The following TRMT2A variants were observed in gnomAD, a reference collection of about 807,000 sequenced individuals.
The protein encoded by TRMT2A is tRNA methyltransferase 2A.
In TRMT2A, 60 loss-of-function variants were observed where a neutral mutation model predicts 59.3. The ratio of observed to expected loss-of-function variants is 1.01; its 90% CI spans 0.82 to 1.26. The LOEUF (loss-of-function observed/expected upper bound fraction) is 1.26, where lower values mean the gene tolerates loss of function less well. Ranked by LOEUF, TRMT2A falls within the 50% of genes most tolerant of loss-of-function variation. TRMT2A has a pLI of 0.00. For missense variants in TRMT2A, 863 were observed against 845.2 expected (o/e 1.02, Z -0.26); for synonymous variants, 403 against 353.7 (o/e 1.14, Z -1.56).
chr22:20,113,408 C>G, intron 9 of TRMT2A, 24 bp downstream of exon 9: 1 of 1,556,226 alleles, frequency 6.4e-7, no homozygotes, highest in African/African-American at 1.4e-5. Context: ...CATCCCCACC[C>G]CCACCCACGG....
In TRMT2A at chr22:20,112,520, C is replaced by G. The variant is rs1276581633; in HGVS notation, c.*43G>C. 2 of 1,588,952 alleles carry G rather than the reference C, an allele frequency of 1.3e-6. No individual in the cohort carries two copies. Among genetic ancestry groups the G allele is most frequent in the African/African-American group, 1.3e-5 (1 of 74,152 alleles). Reference sequence around the variant, plus strand: ...GCCATGCCTTCCCCGCCCCTGGGGCCCTGGGAGCCCTTCAGCTCCTGTCCC... The same window carrying G: ...GCCATGCCTTCCCCGCCCCTGGGGCGCTGGGAGCCCTTCAGCTCCTGTCCC... On this transcript the variant is annotated 3_prime_UTR_variant, in exon 12 of 12. Transcript: ENST00000252136.
rs2050024530 is a variant in TRMT2A, at chr22:20,116,489, C to T, written c.148G>A (p.Ala50Thr). The change falls in exon 2 of 12, where the codon GCT becomes ACT. Residue 50 changes from alanine (A) to threonine (T), a missense_variant. By Grantham distance (58) the Ala-to-Thr change is moderately conservative. Transcript: ENST00000252136. ...EEVEKEGAGA[A>T]TGPGPQPGLY... ...CCGGGCTGAGGCCCCGGCCCTGTAG[C>T]CGCCCCAGCGCCCTCTTTCTCCACC... 1 of 1,612,722 alleles carries T rather than the reference C, an allele frequency of 6.2e-7. No individual in the cohort carries two copies. Among genetic ancestry groups the T allele is most frequent in the South Asian group, 1.1e-5 (1 of 91,082 alleles).
chr22:20,115,804 T>C (rs761425088), intron 2 of TRMT2A, 24 bp from the exon 3 acceptor site: 15 of 1,592,404 alleles, frequency 9.4e-6, no homozygotes, highest in Non-Finnish European at 1.3e-5. Context: ...AGATCGGTGG[T>C]TGGACTCCAC....
chr22:20,112,985 G>T lies in TRMT2A; in HGVS notation c.1572C>A (p.Ile524=). ...GCCGCCTGAGGTTCTTAGCTCTCCG[G>T]ATGGCCAGGATCACCTTGGAATCTG... is the stretch of plus-strand genomic sequence containing the variant. ...AGLHSKVILA[I]RRAKNLRRLL... is the part of the protein sequence containing the mutation. The change falls in exon 11 of 12, where the codon ATC becomes ATA. Residue 524 remains isoleucine (I), a synonymous_variant. Coordinates refer to ENST00000252136, the MANE Select transcript of TRMT2A (RefSeq NM_022727.6). 1 of 1,613,788 alleles carries T rather than the reference G, an allele frequency of 6.2e-7. No individual in the cohort carries two copies. Among genetic ancestry groups the T allele is most frequent in the Non-Finnish European group, 8.5e-7 (1 of 1,180,014 alleles).
At position 20,112,611 on chromosome 22, in the gene TRMT2A, T is replaced by C; in HGVS notation, c.1830A>G (p.Gly610=). ...TTTCTTGTAGGGTGTTATCTGGGGG[T>C]CCTGGTGTGGGTTGAGCTGGAGGGC... ...PHSPPAQPTP[G]PPDNTLQETG... The change falls in exon 12 of 12, where the codon GGA becomes GGG. Residue 610 remains glycine (G), a synonymous_variant. Coordinates refer to ENST00000252136, the MANE Select transcript of TRMT2A (RefSeq NM_022727.6). 1 of 1,613,872 alleles carries C rather than the reference T, an allele frequency of 6.2e-7. No homozygotes were observed. Among genetic ancestry groups the C allele is most frequent in the Non-Finnish European group, 8.5e-7 (1 of 1,179,952 alleles).
rs34592023 is a variant in TRMT2A at position 20,112,808 on chromosome 22, A to AG, written c.1647-15dup. The AG allele has an allele frequency of 1.9e-6, 3 of 1,612,470 alleles. No homozygotes were observed. Among genetic ancestry groups the AG allele is most frequent in the South Asian group, 2.2e-5 (2 of 91,070 alleles). On this transcript the variant is annotated splice_polypyrimidine_tract_variant and intron_variant, in intron 11 of 11. Coordinates refer to ENST00000252136, the MANE Select transcript of TRMT2A (RefSeq NM_022727.6). ...GCTCTGCAGAGGCTGTGGGGGGAAA[A>AG]GGGGGGCGCTAAGGTCAGCCGATAG...
chr22:20,113,392 T>TGCCCCCATCCCC (rs2049908052), intron 9 of TRMT2A, 40 bp downstream of exon 9: 1 of 1,557,670 alleles, frequency 6.4e-7, no homozygotes, highest in African/African-American at 1.4e-5. Context: ...GGGTGGCGGC[T>TGCCCCCATCCCC]GCCCCCATCC....
At chr22:20,116,678 C>T (rs2050033408) in intron 1 of TRMT2A, 66 bp from the exon 2 acceptor site, 2 of 1,494,806 alleles carry the variant, frequency 1.3e-6, no homozygotes, top group South Asian at 1.3e-5. Context: ...CCCCAAGCTT[C>T]CTTATGGGAC....
chr22:20,115,640 A>AG, intron 3 of TRMT2A, 32 bp downstream of exon 3: 1 of 1,605,868 alleles, frequency 6.2e-7, no homozygotes, highest in Non-Finnish European at 8.5e-7. Context: ...AACCCAGGAT[A>AG]GGGGTTTGTG....
chr22:20,113,400 T>TCCCCCCCCCCCCCCCCCGCCGTGGCCCCC, intron 9 of TRMT2A, 32 bp downstream of exon 9: 1 of 1,049,436 alleles, frequency 9.5e-7, no homozygotes, highest in Non-Finnish European at 1.4e-6. Flanking sequence ...GCTGCCCCCA[T>TCCCCCCCCCCCCCCCCCGCCGTGGCCCCC]CCCCACCCCC....
In TRMT2A at chr22:20,112,533, C is replaced by T. The variant is rs781616005; in HGVS notation, c.*30G>A. On this transcript the variant is annotated 3_prime_UTR_variant, in exon 12 of 12. Coordinates refer to ENST00000252136, the MANE Select transcript of TRMT2A (RefSeq NM_022727.6). ...CGCCCCTGGGGCCCTGGGAGCCCTT[C>T]AGCTCCTGTCCCCATAATGGGTCCT... 4 of 1,604,114 alleles carry T rather than the reference C, an allele frequency of 2.5e-6. No homozygotes were observed. Among genetic ancestry groups the T allele is most frequent in the Non-Finnish European group, 3.4e-6 (4 of 1,173,898 alleles).
chr22:20,116,602 G>A lies in TRMT2A; in HGVS notation c.35C>T (p.Pro12Leu), dbSNP rs1319552588. Residue 12 changes from proline (P) to leucine (L), a missense_variant, in exon 2 of 12, where the codon CCC (proline) becomes CTC (leucine). Coordinates refer to ENST00000252136, the MANE Select transcript of TRMT2A (RefSeq NM_022727.6). Reference protein sequence around the residue: ...SENLDNEGPKPMESCGQESSS... With the variant: ...SENLDNEGPKLMESCGQESSS... Reference sequence around the variant, plus strand: ...GCTCTCCTGGCCACAGCTCTCCATGGGCTTCGGGCCCTGTGTGGGGACAGA... The same window carrying A: ...GCTCTCCTGGCCACAGCTCTCCATGAGCTTCGGGCCCTGTGTGGGGACAGA... 2 of 1,541,382 alleles carry A rather than the reference G, an allele frequency of 1.3e-6. No individual in the cohort carries two copies. Among genetic ancestry groups the A allele is most frequent in the Non-Finnish European group, 1.7e-6 (2 of 1,149,638 alleles).
rs1452354053 is a variant in TRMT2A at position 20,112,357 on chromosome 22, C to T, written c.*206G>A. On this transcript the variant is annotated 3_prime_UTR_variant, in exon 12 of 12. Transcript: ENST00000252136. ...CAGCCTTGGCTAGTCCACAAAGGCC[C>T]TGGGGATGGGCAACAGGCTACAGGA... 3.1e-6 allele frequency: 2 copies of T among 640,096 alleles called. No homozygotes were observed. The highest frequency in any genetic ancestry group is 1.8e-5 in the African/African-American group (1 of 54,582). 39.7% of individuals were successfully genotyped at this position (640,096 alleles called of 1,614,324 possible). A position where few individuals can be genotyped will look rare whatever the true frequency, so the allele number is the denominator to read the frequency against.
At chr22:20,113,843 CCT>C (rs753907235) in intron 7 of TRMT2A, 35 bp from the exon 8 acceptor site, 1 of 1,528,080 alleles carries the variant, frequency 6.5e-7, no homozygotes, top group South Asian at 1.3e-5. Context: ...GTCAGTGGCT[CCT>C]CTCCTGTGGT....
In TRMT2A at chr22:20,113,755, T is replaced by A; in HGVS notation, c.1287A>T (p.Gln429His). 1.2e-6 allele frequency: 2 copies of A among 1,609,658 alleles called. No individual in the cohort carries two copies. The highest frequency in any genetic ancestry group is 1.3e-5 in the African/African-American group (1 of 74,966). Residue 429 changes from glutamine to histidine, a missense_variant, in exon 8 of 12, where the codon CAA (glutamine) becomes CAT (histidine). Coordinates refer to ENST00000252136, the MANE Select transcript of TRMT2A (RefSeq NM_022727.6). ...CCAGCACCATGCTCCCCGCATCCAA[T>A]TGGGCCCAGTCCTGGATGACTGTGT... ...VLYTVIQDWA[Q>H]LDAGSMVLDV...
In TRMT2A at chr22:20,115,657, G is replaced by A. The variant is rs770016584; in HGVS notation, c.708+15C>T. The A allele has an allele frequency of 3.1e-6, 5 of 1,612,382 alleles. No homozygotes were observed. The highest frequency in any genetic ancestry group is 1.7e-4 in the Middle Eastern group (1 of 6,058). On this transcript the variant is annotated intron_variant, in intron 3 of 11. Transcript: ENST00000252136. ...CCCAGGATAGGGGTTTGTGGCCACC[G>A]AAGTCTAGTCTGACCTGCTGGGGTG...
chr22:20,113,399 A>AAAC, intron 9 of TRMT2A, 33 bp downstream of exon 9: 66 of 713,552 alleles, frequency 9.2e-5, no homozygotes, highest in Non-Finnish European at 1.5e-4. Flanking sequence ...GGCTGCCCCC[A>AAAC]TCCCCACCCC....
rs1337560284 is a variant in TRMT2A, at chr22:20,113,468, C to T, written c.1396G>A (p.Ala466Thr). Reference sequence around the variant, plus strand: ...GCGTTCACCCGGGCGTCCTCCACAGCCTCTGGGCATAGCTCGACCCCAATG... The same window carrying T: ...GCGTTCACCCGGGCGTCCTCCACAGTCTCTGGGCATAGCTCGACCCCAATG... ...RVIGVELCPE[A>T]VEDARVNAQD... Residue 466 changes from alanine (A) to threonine (T), a missense_variant, in exon 9 of 12, where the codon GCT (alanine) becomes ACT (threonine). By Grantham distance (58) the Ala-to-Thr change is moderately conservative (BLOSUM62 0). Coordinates refer to ENST00000252136, the MANE Select transcript of TRMT2A (RefSeq NM_022727.6). 5 of 1,613,244 alleles carry T rather than the reference C, an allele frequency of 3.1e-6. No individual in the cohort carries two copies. Among genetic ancestry groups the T allele is most frequent in the African/African-American group, 2.7e-5 (2 of 74,902 alleles).
At position 20,114,507 on chromosome 22, in the gene TRMT2A, T is replaced by A. The variant is rs567359842; in HGVS notation, c.1233+67A>T. 4.3e-5 allele frequency: 57 copies of A among 1,330,164 alleles called. No individual in the cohort carries two copies. The African/African-American group carries it at 6.9e-4, about 16-fold the overall frequency. 82.4% of individuals were successfully genotyped at this position (1,330,164 alleles called of 1,614,324 possible). On this transcript the variant is annotated intron_variant, in intron 7 of 11. Coordinates refer to ENST00000252136, the MANE Select transcript of TRMT2A (RefSeq NM_022727.6). The stretch of plus-strand genomic sequence containing the variant: ...TCACCGCCTGAGCCCACTGTTCCCA[T>A]CACGTCCTGATGGTGCGTCAGGCCT...
Sources: allele counts gnomAD v4.1 joint callset, GRCh38; gene constraint gnomAD v4.1.1; transcripts MANE v1.5; gene names NCBI Gene and HGNC (gene_info 2026-07-23, HGNC 2026-07-21).